The following ADAM17 variants were observed in gnomAD, a reference collection of about 807,000 sequenced individuals.
ADAM17 encodes the protein disintegrin and metalloproteinase domain-containing protein 17.
A neutral mutation model predicts 96.7 loss-of-function variants in ADAM17; 39 were observed. The observed-to-expected ratio is 0.40, with a 90% confidence interval of 0.31 to 0.53. The LOEUF is 0.53. Ranked by LOEUF, ADAM17 falls within the 20% of genes least tolerant of loss-of-function variation. The probability of loss-of-function intolerance (pLI) is 0.44; values close to 1 mark genes in which losing one functional copy is unlikely to be tolerated. For missense variants in ADAM17, 777 were observed against 1,013.2 expected (o/e 0.77, Z 3.17); for synonymous variants, 344 against 359.2 (o/e 0.96, Z 0.48).
rs377134738 is a variant in ADAM17, at chr2:9,505,368, T to G, written c.1345-3A>C. ...TGTTTACTGCAGTTTGAAAACATCT[T>G]GAGAGAAAAAAGGCAATAAGGACCC... is the stretch of plus-strand genomic sequence containing the variant. On this transcript the variant is annotated splice_region_variant and splice_polypyrimidine_tract_variant and intron_variant, in intron 11 of 18. Coordinates refer to ENST00000310823, the MANE Select transcript of ADAM17 (RefSeq NM_003183.6). 3 of 1,613,544 alleles carry G rather than the reference T, an allele frequency of 1.9e-6. No homozygotes were observed. Among genetic ancestry groups the G allele is most frequent in the Non-Finnish European group, 2.5e-6 (3 of 1,179,536 alleles).
intron 13 of ADAM17, 102 bp downstream of exon 13, chr2:9,502,070 TA>T: frequency 1.9e-6 from 2 of 1,043,242 alleles, no homozygotes; most frequent in Non-Finnish European, 1.4e-6. Flanking sequence ...CATATGAGAT[TA>T]AAAATAAGGT....
chr2:9,493,824 C>T lies in ADAM17; in HGVS notation c.1916G>A (p.Gly639Asp), dbSNP rs1339437801. 1 of 1,613,252 alleles carries T rather than the reference C, an allele frequency of 6.2e-7. No homozygotes were observed. The change falls in exon 16 of 19, where the codon GGC becomes GAC. Residue 639 changes from glycine (G) to aspartate (D), a missense_variant and splice_region_variant. Gly to Asp is a moderately conservative substitution (Grantham distance 94). Around this residue, in one of 3 missense-constraint regions of ADAM17, gnomAD observed 446 missense variants for 664.7 expected, o/e 0.67. Coordinates refer to ENST00000310823, the MANE Select transcript of ADAM17 (RefSeq NM_003183.6). ...ATCCTGTACTCGTTTCTCACATTTG[C>T]CCTATGAAGAAAAAACATACATACA... ...PCTVGFCDMN[G>D]KCEKRVQDVI... is the part of the protein sequence containing the mutation.
rs771307389 is a variant in ADAM17, at chr2:9,497,163, G to A, written c.1734C>T (p.Cys578=). Residue 578 remains cysteine (C), a synonymous_variant, in exon 14 of 19, where the codon TGC becomes TGT. Coordinates refer to ENST00000310823, the MANE Select transcript of ADAM17 (RefSeq NM_003183.6). ...LDLGKCKDGK[C]IPFCEREQQL... is the part of the protein sequence containing the mutation. ...GCTGTTCCCTCTCGCAGAAAGGGAT[G>A]CATTTCCCATCCTTACACTTGCCAA... 1 of 1,614,210 alleles carries A rather than the reference G, an allele frequency of 6.2e-7. No individual in the cohort carries two copies. The highest frequency in any genetic ancestry group is 8.5e-7 in the Non-Finnish European group (1 of 1,180,040).
chr2:9,534,318 G>A lies in ADAM17; in HGVS notation c.450+1516C>T, dbSNP rs1400519182. Among the ~76,000 whole-genome samples the A allele has an allele frequency of 3.3e-5, 5 of 152,146 alleles. No individual in the cohort carries two copies. The East Asian group carries it at 7.7e-4, about 23-fold the overall frequency. ...CAGGAGCCAGAGGTTGCAGTGAGCCGAGACCACGCCAGTGCACTCTAGCCT... is the reference window on the plus strand; with the variant it reads ...CAGGAGCCAGAGGTTGCAGTGAGCCAAGACCACGCCAGTGCACTCTAGCCT... On this transcript the variant is annotated intron_variant, in intron 4 of 18. Transcript: ENST00000310823.
At chr2:9,551,010 G>A (rs938698894) in intron 1 of ADAM17, among the ~76,000 whole-genome samples, 7 of 152,000 alleles carry the variant, frequency 4.6e-5, no homozygotes, top group Admixed American at 3.9e-4. Context: ...GGGAAGTGGA[G>A]GTTGCAGTAA....
chr2:9,549,414 G>A (rs955481137), intron 1 of ADAM17, among the ~76,000 whole-genome samples: 2 of 152,160 alleles, frequency 1.3e-5, no homozygotes, highest in African/African-American at 2.4e-5. Context: ...AATTTTGTGT[G>A]TATATCAACA....
chr2:9,496,855 C>T (rs972426323), intron 14 of ADAM17, among the ~76,000 whole-genome samples: 4 of 152,330 alleles, frequency 2.6e-5, no homozygotes, highest in Non-Finnish European at 5.9e-5. Context: ...AAAATTCCCT[C>T]CTCTCCCACC....
At chr2:9,519,993 C>A (rs1206158268) in intron 8 of ADAM17, among the ~76,000 whole-genome samples, 1 of 152,210 alleles carries the variant, frequency 6.6e-6, no homozygotes, top group African/African-American at 2.4e-5. Flanking sequence ...TCAAATTAGA[C>A]AAGGTATGAA....
Position 9,517,932 on chromosome 2 carries a change from G to A in ADAM17, c.1160C>T (p.Thr387Ile). The A allele has an allele frequency of 6.2e-7, 1 of 1,603,110 alleles. No homozygotes were observed. Among genetic ancestry groups the A allele is most frequent in the Non-Finnish European group, 8.5e-7 (1 of 1,176,200 alleles). The change falls in exon 10 of 19, where the codon ACA (threonine) becomes ATA (isoleucine). Residue 387 changes from threonine (T) to isoleucine (I), a missense_variant. Physicochemically the swap from Thr to Ile is moderately conservative, Grantham distance 89. Transcript: ENST00000310823. ...AAGGATGGTTTTACCATAATTCTTT[G>A]TGCTCGTCAAACCACTATTCAAATA... ...NIYLNSGLTS[T>I]KNYGKTILTK... is the part of the protein sequence containing the mutation.
chr2:9,511,724 A>C (rs1663753288), intron 10 of ADAM17, among the ~76,000 whole-genome samples: 1 of 152,164 alleles, frequency 6.6e-6, no homozygotes, highest in African/African-American at 2.4e-5. Context: ...GAATTCCAGC[A>C]CTTTGGGAGG....
chr2:9,528,016 C>T (rs1664595582), intron 4 of ADAM17, 62 bp from the exon 5 acceptor site: 2 of 1,126,592 alleles, frequency 1.8e-6, no homozygotes, highest in African/African-American at 1.6e-5. Context: ...ACACTAAATT[C>T]TTCTAACATT....
intron 7 of ADAM17, chr2:9,522,450 A>G: frequency 1.6e-6 from 1 of 607,596 alleles, no homozygotes; most frequent in Non-Finnish European, 3.1e-6. Context: ...TTAAAAAGAA[A>G]ATGCGTAACA....
chr2:9,546,883 AT>A (rs938946473), intron 1 of ADAM17, among the ~76,000 whole-genome samples: 64 of 152,028 alleles, frequency 4.2e-4, no homozygotes, highest in African/African-American at 1.5e-3. Context: ...TAATTTTTGT[AT>A]TTTTAGTAGA....
intron 2 of ADAM17, among the ~76,000 whole-genome samples, chr2:9,538,886 T>C (rs1277418819): frequency 6.6e-6 from 1 of 152,172 alleles, no homozygotes; most frequent in Non-Finnish European, 1.5e-5. Flanking sequence ...AGCTAACCAG[T>C]TTGAATTAAC....
intron 11 of ADAM17, among the ~76,000 whole-genome samples, chr2:9,508,339 T>TTATGA (rs1261712629): frequency 2.6e-5 from 4 of 152,162 alleles, no homozygotes; most frequent in Non-Finnish European, 5.9e-5. Context: ...AATAATCAAC[T>TTATGA]TATGACTTCA....
chr2:9,539,057 A>G (rs973281213), intron 2 of ADAM17, among the ~76,000 whole-genome samples: 6 of 152,298 alleles, frequency 3.9e-5, no homozygotes, highest in Non-Finnish European at 7.4e-5. Context: ...AAAGTATCAA[A>G]ACAGTATATA....
intron 11 of ADAM17, 21 bp from the exon 12 acceptor site, chr2:9,505,386 AAGG>A (rs1663328060): frequency 6.3e-7 from 1 of 1,589,550 alleles, no homozygotes; most frequent in African/African-American, 1.3e-5. Context: ...AAAAGGCAAT[AAGG>A]ACCCAAAATA....
chr2:9,543,036 A>T, intron 2 of ADAM17, 117 bp downstream of exon 2: 1 of 1,292,678 alleles, frequency 7.7e-7, no homozygotes, highest in Non-Finnish European at 1.0e-6. Flanking sequence ...ACTGGAAATT[A>T]ATTACAAATC....
At chr2:9,552,927 A>G (rs1291939246) in intron 1 of ADAM17, among the ~76,000 whole-genome samples, 1 of 152,252 alleles carries the variant, frequency 6.6e-6, no homozygotes, top group Non-Finnish European at 1.5e-5. Flanking sequence ...GTACTGCAAT[A>G]TAGTAGTATT....
Sources: allele counts gnomAD v4.1 joint callset (sites outside exome capture counted in the v4.1 genomes callset), GRCh38; gene constraint gnomAD v4.1.1; regional missense constraint gnomAD v4.1.1; transcripts MANE v1.5; gene names NCBI Gene and HGNC (gene_info 2026-07-23, HGNC 2026-07-21).